The following CSMD1 variants were observed in gnomAD, a reference collection of about 807,000 sequenced individuals.
CSMD1 encodes the protein CUB and Sushi multiple domains 1.
A neutral mutation model predicts 417.5 loss-of-function variants in CSMD1; 213 were observed. The ratio of observed to expected loss-of-function variants is 0.51; its 90% confidence interval spans 0.46 to 0.57. The LOEUF (loss-of-function observed/expected upper bound fraction) is 0.57. Ranked by LOEUF, CSMD1 falls within the 20% of genes least tolerant of loss-of-function variation. The pLI is 0.00. For synonymous variants in CSMD1, 2,862 were observed against 1,736.8 expected, an observed-to-expected ratio of 1.65 and a Z score of -16.11; for missense variants, 6,923 against 4,529.7, an observed-to-expected ratio of 1.53 and a Z score of -15.17.
At chr8:3,418,241 G>C (rs1156505132) in intron 12 of CSMD1, among the ~76,000 whole-genome samples, 1 of 152,124 alleles carries the variant, frequency 6.6e-6, no homozygotes, top group Admixed American at 6.5e-5. Context: ...TGAAATGCTG[G>C]ACTCTGGAAA....
At chr8:3,625,567 GCTCT>G (rs1205901180) in intron 7 of CSMD1, among the ~76,000 whole-genome samples, 2 of 151,926 alleles carry the variant, frequency 1.3e-5, no homozygotes, top group Non-Finnish European at 2.9e-5. Flanking sequence ...CTTAAATCAA[GCTCT>G]CTTTTAGTTT....
chr8:4,051,769 C>T (rs1798435570), intron 3 of CSMD1, among the ~76,000 whole-genome samples: 1 of 152,196 alleles, frequency 6.6e-6, no homozygotes, highest in Admixed American at 6.5e-5. Flanking sequence ...TTTGGTAGGG[C>T]TCCCAGTGTC....
chr8:3,939,521 T>C (rs909625553), intron 5 of CSMD1, among the ~76,000 whole-genome samples: 8 of 152,104 alleles, frequency 5.3e-5, no homozygotes, highest in Non-Finnish European at 1.0e-4. Flanking sequence ...ATTTGGTATC[T>C]ACTCAAAGGA....
chr8:3,639,458 C>T (rs756172372), intron 7 of CSMD1, among the ~76,000 whole-genome samples: 15 of 152,108 alleles, frequency 9.9e-5, no homozygotes, highest in Non-Finnish European at 1.5e-4. Flanking sequence ...AGTCTATGAC[C>T]TGAATTGTCT....
At chr8:3,787,947 C>T (rs564221557) in intron 5 of CSMD1, among the ~76,000 whole-genome samples, 81 of 152,230 alleles carry the variant, frequency 5.3e-4, no homozygotes, top group African/African-American at 1.9e-3. Flanking sequence ...GGGCAGAAAT[C>T]CTTGCATGGG....
intron 23 of CSMD1, among the ~76,000 whole-genome samples, chr8:3,338,640 C>T (rs922328923): frequency 6.6e-6 from 1 of 152,128 alleles, no homozygotes; most frequent in Non-Finnish European, 1.5e-5. Flanking sequence ...AGCTATGCAG[C>T]TGATTCATTT....
At chr8:4,731,625 C>A (rs1410845831) in intron 1 of CSMD1, among the ~76,000 whole-genome samples, 1 of 152,172 alleles carries the variant, frequency 6.6e-6, no homozygotes. Flanking sequence ...CATCCCTGCA[C>A]TCCAGGAGAA....
At position 3,230,168 on chromosome 8, in the gene CSMD1, C is replaced by T. The variant is rs759772657; in HGVS notation, c.4217G>A (p.Ser1406Asn). ...TGTGACGGTGTCTCCAGCCTCTCTG[C>T]TGTCTCCATAGCGGGTGCCATTTTG... ...MPQNGTRYGD[S>N]REAGDTVTFQ... Residue 1406 changes from serine (S) to asparagine (N), a missense_variant, in exon 27 of 70, where the codon AGC (serine) becomes AAC (asparagine). Ser to Asn is a conservative substitution (Grantham distance 46, BLOSUM62 1). Transcript: ENST00000635120. 1 of 1,613,488 alleles carries T rather than the reference C, an allele frequency of 6.2e-7. No individual in the cohort carries two copies. Among genetic ancestry groups the T allele is most frequent in the South Asian group, 1.1e-5 (1 of 91,038 alleles).
chr8:4,641,754 A>C (rs1220303223), intron 1 of CSMD1, among the ~76,000 whole-genome samples: 2 of 152,228 alleles, frequency 1.3e-5, no homozygotes, highest in Non-Finnish European at 2.9e-5. Flanking sequence ...TTAGATCACA[A>C]AATAAAATGG....
chr8:3,791,022 A>T (rs987366985), intron 5 of CSMD1, among the ~76,000 whole-genome samples: 4 of 152,144 alleles, frequency 2.6e-5, no homozygotes, highest in Non-Finnish European at 5.9e-5. Flanking sequence ...GGTTATAAAG[A>T]CTCCACTAAA....
At chr8:4,893,662 T>C (rs550864888) in intron 1 of CSMD1, among the ~76,000 whole-genome samples, 61 of 152,248 alleles carry the variant, frequency 4.0e-4, no homozygotes, top group Non-Finnish European at 1.9e-4. Context: ...GAACTTCTTT[T>C]TCCTAACTGG....
chr8:4,994,708 G>C lies in CSMD1; in HGVS notation c.-292C>G, dbSNP rs1811664954. 2.7e-6 allele frequency: 1 copy of C among 367,234 alleles called. No homozygotes were observed. The highest frequency in any genetic ancestry group is 4.9e-6 in the Non-Finnish European group (1 of 204,022). The allele number at this position is 367,234 out of a possible 1,614,324, so 22.7% of individuals were successfully genotyped here. ...GCCGAGCCGGGCAGGAAGGCACCAAGGCGGCGAGGCTGCGGGAGGGGGAGA... is the reference window on the plus strand; with the variant it reads ...GCCGAGCCGGGCAGGAAGGCACCAACGCGGCGAGGCTGCGGGAGGGGGAGA... On this transcript the variant is annotated 5_prime_UTR_variant, in exon 1 of 70. Transcript: ENST00000635120.
At chr8:3,833,316 C>T (rs4556108) in intron 5 of CSMD1, among the ~76,000 whole-genome samples, 151,551 of 152,254 alleles carry the variant, frequency 1, 75,434 homozygotes, top group Middle Eastern at 1. Context: ...GATTTCTATT[C>T]GGAAAACATT....
chr8:3,839,103 A>C (rs1802925944), intron 5 of CSMD1, among the ~76,000 whole-genome samples: 1 of 63,984 alleles, frequency 1.6e-5, no homozygotes, highest in African/African-American at 5.4e-5. Context: ...AATATAGCCT[A>C]TATATATAGT....
At chr8:4,681,685 T>A (rs1042160221) in intron 1 of CSMD1, among the ~76,000 whole-genome samples, 3 of 152,154 alleles carry the variant, frequency 2.0e-5, no homozygotes, top group Non-Finnish European at 4.4e-5. Flanking sequence ...CTTTTCCTCA[T>A]ACAAAATAAC....
intron 1 of CSMD1, among the ~76,000 whole-genome samples, chr8:4,878,908 AG>A (rs1803219026): frequency 6.6e-6 from 1 of 151,566 alleles, no homozygotes; most frequent in African/African-American, 2.4e-5. Context: ...CCGAGCAGAG[AG>A]AACGACAAGG....
At chr8:4,792,933 G>C (rs550158895) in intron 1 of CSMD1, among the ~76,000 whole-genome samples, 1 of 151,354 alleles carries the variant, frequency 6.6e-6, no homozygotes, top group Non-Finnish European at 1.5e-5. Context: ...GATTAAAAAG[G>C]GATGCAAATT....
At chr8:3,772,396 C>CATATGT (rs1246977888) in intron 5 of CSMD1, among the ~76,000 whole-genome samples, 5 of 68,404 alleles carry the variant, frequency 7.3e-5, no homozygotes, top group Middle Eastern at 9.6e-3. Context: ...TTTATATATA[C>CATATGT]ACATATATAC....
Position 4,142,248 on chromosome 8 carries a change from A to G in CSMD1, c.416-110149T>C, listed in dbSNP as rs529781361. Among the ~76,000 whole-genome samples the G allele has an allele frequency of 3.2e-4, 49 of 151,324 alleles. 3 individuals carry two copies. Among genetic ancestry groups the G allele is most frequent in the African/African-American group, 1.1e-3 (43 of 40,632 alleles). On this transcript the variant is annotated intron_variant, in intron 3 of 69. Coordinates refer to ENST00000635120, the MANE Select transcript of CSMD1 (RefSeq NM_033225.6). ...TTATAGTGATACTTAATTTACTAAT[A>G]CAACAGGGTTTTCCTTCTACTCTTG...
Sources: allele counts gnomAD v4.1 joint callset (sites outside exome capture counted in the v4.1 genomes callset), GRCh38; gene constraint gnomAD v4.1.1; transcripts MANE v1.5; gene names NCBI Gene and HGNC (gene_info 2026-07-23, HGNC 2026-07-21).